ADGRL3: variants seen among roughly 807,000 people sequenced by gnomAD.
The protein encoded by ADGRL3 is adhesion G protein-coupled receptor L3, also known as calcium-independent alpha-latrotoxin receptor 3.
Under a neutral mutation model 153.5 loss-of-function variants are expected in ADGRL3, and 62 were observed. That is an observed-to-expected ratio of 0.40 (90% CI 0.33 to 0.50). The LOEUF is 0.50. Among genes scored for constraint, ADGRL3 ranks in the 20% least tolerant of loss-of-function variants. The pLI, the probability that ADGRL3 is intolerant of heterozygous loss-of-function variation, is 0.47. For missense variants in ADGRL3, 1,641 were observed against 1,859.4 expected (o/e 0.88, Z 2.16); for synonymous variants, 710 against 672.5 (o/e 1.06, Z -0.86).
At chr4:61,621,876 T>A (rs1384064634) in intron 5 of ADGRL3, among the ~76,000 whole-genome samples, 2 of 152,146 alleles carry the variant, frequency 1.3e-5, no homozygotes, top group African/African-American at 4.8e-5. Flanking sequence ...AAAAGGCAAT[T>A]AATCCCCACC....
chr4:61,744,291 GACAA>G (rs1269828426), intron 8 of ADGRL3, among the ~76,000 whole-genome samples: 1 of 152,180 alleles, frequency 6.6e-6, no homozygotes, highest in African/African-American at 2.4e-5. Context: ...GCAGGACACA[GACAA>G]ACAAAAAGAC....
chr4:61,451,712 A>G lies in ADGRL3; in HGVS notation c.-173-45409A>G, dbSNP rs572299310. Among the ~76,000 whole-genome samples the G allele has an allele frequency of 5.4e-4, 83 of 152,316 alleles. 1 individual carries two copies. Among genetic ancestry groups the G allele is most frequent in the Middle Eastern group, 6.8e-3 (2 of 294 alleles). On this transcript the variant is annotated intron_variant, in intron 2 of 26. Coordinates refer to ENST00000683033, the MANE Select transcript of ADGRL3 (RefSeq NM_001387552.1). ...TCTAGAAGCCCAACTGTAATCCTCC[A>G]GACCTGCCTCTGTGTATGCATACAT...
At chr4:61,318,193 C>CAAAAAAAAAAAA (rs757545966) in intron 1 of ADGRL3, among the ~76,000 whole-genome samples, 3 of 48,618 alleles carry the variant, frequency 6.2e-5, no homozygotes, top group African/African-American at 5.6e-5. Flanking sequence ...GAACCTGTCT[C>CAAAAAAAAAAAA]AAAAAAAAAA....
At chr4:61,469,978 A>G (rs979317006) in intron 2 of ADGRL3, among the ~76,000 whole-genome samples, 2 of 151,988 alleles carry the variant, frequency 1.3e-5, no homozygotes, top group African/African-American at 4.8e-5. Flanking sequence ...ATTATTACTT[A>G]TGCTTTCTAT....
At chr4:61,609,055 G>A (rs963400860) in intron 5 of ADGRL3, among the ~76,000 whole-genome samples, 1 of 151,990 alleles carries the variant, frequency 6.6e-6, no homozygotes, top group African/African-American at 2.4e-5. Flanking sequence ...ATGCTTATTT[G>A]TTAGTGTTTA....
At chr4:61,365,127 A>C (rs1047240627) in intron 1 of ADGRL3, among the ~76,000 whole-genome samples, 3 of 152,176 alleles carry the variant, frequency 2.0e-5, no homozygotes, top group Non-Finnish European at 2.9e-5. Flanking sequence ...CATTACGACT[A>C]TAATGCAGAT....
intron 15 of ADGRL3, among the ~76,000 whole-genome samples, chr4:61,938,902 A>C (rs1228915894): frequency 7.7e-6 from 1 of 129,804 alleles, no homozygotes; most frequent in African/African-American, 2.9e-5. Flanking sequence ...TTTTTTTCCT[A>C]TCTCCCCGCC....
At chr4:61,792,066 A>T (rs1351320615) in intron 8 of ADGRL3, among the ~76,000 whole-genome samples, 1 of 152,148 alleles carries the variant, frequency 6.6e-6, no homozygotes, top group African/African-American at 2.4e-5. Context: ...TCATTATGCA[A>T]ATTTCTGCAG....
intron 5 of ADGRL3, among the ~76,000 whole-genome samples, chr4:61,593,675 A>T (rs2098978326): frequency 1.3e-5 from 2 of 151,950 alleles, no homozygotes; most frequent in Non-Finnish European, 2.9e-5. Flanking sequence ...GCTTTATGTC[A>T]TTTGGGTTTT....
intron 4 of ADGRL3, among the ~76,000 whole-genome samples, chr4:61,551,361 CTAGAGT>C (rs1425704307): frequency 6.6e-6 from 1 of 152,012 alleles, no homozygotes; most frequent in Non-Finnish European, 1.5e-5. Flanking sequence ...ATCATTTCAG[CTAGAGT>C]TAAAAATATG....
chr4:62,058,919 A>C (rs536552588), intron 25 of ADGRL3, among the ~76,000 whole-genome samples: 1 of 152,326 alleles, frequency 6.6e-6, no homozygotes, highest in African/African-American at 2.4e-5. Flanking sequence ...AGCTAAGGCA[A>C]GAGAAATGCA....
chr4:61,410,576 A>G (rs1014929049), intron 2 of ADGRL3, among the ~76,000 whole-genome samples: 20 of 152,342 alleles, frequency 1.3e-4, no homozygotes, highest in African/African-American at 4.6e-4. Flanking sequence ...GTGCAAACTG[A>G]TAATTCAAGG....
chr4:61,978,734 A>G (rs939137702), intron 17 of ADGRL3, among the ~76,000 whole-genome samples: 2 of 152,194 alleles, frequency 1.3e-5, no homozygotes, highest in Non-Finnish European at 2.9e-5. Flanking sequence ...TTCCTGGACT[A>G]TTTTAACAGA....
At position 61,517,434 on chromosome 4, in the gene ADGRL3, G is replaced by T. The variant is rs764963801; in HGVS notation, c.175G>T (p.Ala59Ser). The T allele has an allele frequency of 1.3e-6, 1 of 796,684 alleles. No individual in the cohort carries two copies. Among genetic ancestry groups the T allele is most frequent in the South Asian group, 1.4e-5 (1 of 69,320 alleles). The allele number at this position is 796,684 out of a possible 1,614,324, so 49.4% of individuals were successfully genotyped here. A position where few individuals can be genotyped will look rare whatever the true frequency, so the allele number is the denominator to read the frequency against. ...TCAGCAGCCAGCTGCAGAGCGCACC[G>T]CTGCTCATCGTGGACAAGGGCCCCG... Reference protein sequence around the residue: ...LLQQPAAERTAAHRGQGPRGA... With the variant: ...LLQQPAAERTSAHRGQGPRGA... The change falls in exon 4 of 27, where the codon GCT becomes TCT. Residue 59 changes from alanine (A) to serine (S), a missense_variant. Ala to Ser is a moderately conservative substitution (Grantham distance 99). Coordinates refer to ENST00000683033, the MANE Select transcript of ADGRL3 (RefSeq NM_001387552.1).
chr4:61,563,073 A>G (rs1401760830), intron 4 of ADGRL3, among the ~76,000 whole-genome samples: 1 of 152,098 alleles, frequency 6.6e-6, no homozygotes, highest in Non-Finnish European at 1.5e-5. Context: ...TGTTATATGT[A>G]TATAACACTA....
At chr4:61,537,238 T>C (rs1579400691) in intron 4 of ADGRL3, among the ~76,000 whole-genome samples, 1 of 152,064 alleles carries the variant, frequency 6.6e-6, no homozygotes, top group East Asian at 1.9e-4. Flanking sequence ...GTAAAGTTTC[T>C]GCTGAGAAGT....
chr4:61,253,736 T>A (rs1202502539), intron 1 of ADGRL3, among the ~76,000 whole-genome samples: 1 of 151,954 alleles, frequency 6.6e-6, no homozygotes, highest in African/African-American at 2.4e-5. Context: ...TATATAGGAT[T>A]AAGTATATTT....
chr4:61,757,011 A>G (rs1230255851), intron 8 of ADGRL3, among the ~76,000 whole-genome samples: 1 of 152,090 alleles, frequency 6.6e-6, no homozygotes, highest in Non-Finnish European at 1.5e-5. Context: ...GTGCTGCTGG[A>G]TTCGGTTTGC....
At chr4:61,311,097 T>C (rs1427436981) in intron 1 of ADGRL3, among the ~76,000 whole-genome samples, 1 of 152,134 alleles carries the variant, frequency 6.6e-6, no homozygotes, top group Non-Finnish European at 1.5e-5. Context: ...TGCTGAGTGA[T>C]GCTGACAAAA....
Sources: allele counts gnomAD v4.1 joint callset (sites outside exome capture counted in the v4.1 genomes callset), GRCh38; gene constraint gnomAD v4.1.1; transcripts MANE v1.5; gene names NCBI Gene and HGNC (gene_info 2026-07-23, HGNC 2026-07-21).